CDH8: variants seen among roughly 807,000 people sequenced by gnomAD.
The protein encoded by CDH8 is cadherin 8.
In CDH8, 17 loss-of-function variants were observed where a neutral mutation model predicts 68.1. The ratio of observed to expected loss-of-function variants is 0.25; its 90% CI spans 0.17 to 0.37. The LOEUF (loss-of-function observed/expected upper bound fraction) is 0.37, where lower values mean the gene tolerates loss of function less well. Ranked by LOEUF, CDH8 falls within the 10% of genes least tolerant of loss-of-function variation. CDH8 has a pLI of 1.00. For synonymous variants in CDH8, 372 were observed against 365.1 expected, an observed-to-expected ratio of 1.02 and a Z score of -0.21; for missense variants, 763 against 999.3, an observed-to-expected ratio of 0.76 and a Z score of 3.19.
At chr16:61,734,553 C>A (rs1959622704) in intron 8 of CDH8, among the ~76,000 whole-genome samples, 1 of 152,040 alleles carries the variant, frequency 6.6e-6, no homozygotes, top group African/African-American at 2.4e-5. Context: ...TTTTCTTAGA[C>A]CATCCTTCTT....
At chr16:61,971,417 T>C (rs929575287) in intron 2 of CDH8, among the ~76,000 whole-genome samples, 6 of 152,132 alleles carry the variant, frequency 3.9e-5, no homozygotes, top group Non-Finnish European at 8.8e-5. Context: ...TCCAGGAAAC[T>C]ACATTTTCTG....
chr16:61,998,905 A>G (rs1395815220), intron 2 of CDH8, among the ~76,000 whole-genome samples: 1 of 152,230 alleles, frequency 6.6e-6, no homozygotes, highest in East Asian at 1.9e-4. Context: ...CAGAGGGGAA[A>G]AAAAGGACTC....
intron 8 of CDH8, among the ~76,000 whole-genome samples, chr16:61,769,617 A>G (rs1596951227): frequency 6.6e-6 from 1 of 150,434 alleles, no homozygotes; most frequent in East Asian, 2.0e-4. Flanking sequence ...CAGAGGTACA[A>G]TTACAATAAT....
intron 8 of CDH8, among the ~76,000 whole-genome samples, chr16:61,781,525 G>A (rs529349287): frequency 6.6e-6 from 1 of 152,300 alleles, no homozygotes; most frequent in East Asian, 1.9e-4. Context: ...GGAGTCTAAA[G>A]CAGGAGGATC....
At chr16:61,835,814 T>G (rs1325561392) in intron 4 of CDH8, among the ~76,000 whole-genome samples, 1 of 151,936 alleles carries the variant, frequency 6.6e-6, no homozygotes, top group Non-Finnish European at 1.5e-5. Flanking sequence ...ATTGGATGCT[T>G]TCTCCTAGCA....
At chr16:61,728,027 T>C (rs1959425780) in intron 8 of CDH8, among the ~76,000 whole-genome samples, 1 of 151,030 alleles carries the variant, frequency 6.6e-6, no homozygotes, top group Non-Finnish European at 1.5e-5. Context: ...GGAATATAGT[T>C]TGACTTTGAC....
At chr16:61,995,544 A>G (rs1020254084) in intron 2 of CDH8, among the ~76,000 whole-genome samples, 2 of 151,986 alleles carry the variant, frequency 1.3e-5, no homozygotes, top group Non-Finnish European at 2.9e-5. Context: ...TGCCCGGCTA[A>G]TTTTTTGTAT....
chr16:61,983,945 T>G (rs1965582901), intron 2 of CDH8, among the ~76,000 whole-genome samples: 1 of 151,248 alleles, frequency 6.6e-6, no homozygotes, highest in Non-Finnish European at 1.5e-5. Context: ...CGAGACGGAA[T>G]CTCACTCTGT....
At chr16:61,837,389 G>A (rs1041399733) in intron 4 of CDH8, among the ~76,000 whole-genome samples, 3 of 152,054 alleles carry the variant, frequency 2.0e-5, no homozygotes, top group Non-Finnish European at 2.9e-5. Flanking sequence ...AAGAAAGTGG[G>A]TGGCACATAA....
chr16:61,771,712 C>T (rs1411425658), intron 8 of CDH8, among the ~76,000 whole-genome samples: 1 of 151,824 alleles, frequency 6.6e-6, no homozygotes, highest in East Asian at 1.9e-4. Context: ...TGTACACACA[C>T]CCACACATAC....
Position 61,653,096 on chromosome 16 carries a change from C to G in CDH8, c.*512G>C. ...CCGTACTGTATAATCTAGGAGGCCT[C>G]TCAAAACTCCAAAAAGTTATAATGT... On this transcript the variant is annotated 3_prime_UTR_variant, in exon 12 of 12. Transcript: ENST00000577390. 8.0e-7 allele frequency: 1 copy of G among 1,257,210 alleles called. No homozygotes were observed. The highest frequency in any genetic ancestry group is 3.1e-5 in the East Asian group (1 of 32,300). 77.9% of individuals were successfully genotyped at this position (1,257,210 alleles called of 1,614,324 possible).
chr16:61,801,807 A>C (rs981168619), intron 7 of CDH8, among the ~76,000 whole-genome samples: 4 of 152,356 alleles, frequency 2.6e-5, no homozygotes, highest in East Asian at 3.9e-4. Flanking sequence ...CCTGGCTCGG[A>C]GGGCCCTACG....
At chr16:61,986,742 A>G (rs1265719332) in intron 2 of CDH8, among the ~76,000 whole-genome samples, 3 of 152,206 alleles carry the variant, frequency 2.0e-5, no homozygotes, top group Non-Finnish European at 4.4e-5. Flanking sequence ...TAGCTTAATC[A>G]TGGAGTCTGT....
In CDH8 at chr16:61,779,050, G is replaced by C. The variant is rs369900586; in HGVS notation, c.1414+10296C>G. Among the ~76,000 whole-genome samples the C allele has an allele frequency of 1.4e-4, 22 of 152,254 alleles. No homozygotes were observed. The East Asian group carries it at 4.3e-3, about 29-fold the overall frequency. On this transcript the variant is annotated intron_variant, in intron 8 of 11. Coordinates refer to ENST00000577390, the MANE Select transcript of CDH8 (RefSeq NM_001796.5). ...AGAGCAATGCATTATCACTAACTCA[G>C]AGAGATTAATTTAACGGGCAATTAT...
At chr16:61,660,492 A>G (rs1004571139) in intron 10 of CDH8, among the ~76,000 whole-genome samples, 11 of 152,052 alleles carry the variant, frequency 7.2e-5, no homozygotes, top group African/African-American at 2.7e-4. Context: ...TGCACCAACA[A>G]ATGTGCAGTG....
intron 2 of CDH8, among the ~76,000 whole-genome samples, chr16:61,931,937 A>G (rs1319354980): frequency 2.0e-5 from 3 of 152,106 alleles, no homozygotes; most frequent in Non-Finnish European, 4.4e-5. Context: ...GCTGGGCGCT[A>G]TGGCTCACCC....
intron 8 of CDH8, among the ~76,000 whole-genome samples, chr16:61,778,696 T>TCC (rs1960962337): frequency 6.6e-6 from 1 of 152,152 alleles, no homozygotes; most frequent in Non-Finnish European, 1.5e-5. Context: ...CCCACAAGTT[T>TCC]AAAGAGTAAT....
chr16:61,898,807 T>C (rs1358420080), intron 3 of CDH8, among the ~76,000 whole-genome samples: 2 of 152,064 alleles, frequency 1.3e-5, no homozygotes, highest in African/African-American at 4.8e-5. Flanking sequence ...TTCAACAATA[T>C]CGCTTCCATG....
chr16:61,788,723 C>T (rs935791464), intron 8 of CDH8, among the ~76,000 whole-genome samples: 1 of 151,696 alleles, frequency 6.6e-6, no homozygotes, highest in Non-Finnish European at 1.5e-5. Context: ...TTTTAACAAC[C>T]CTAGACTCTC....
Sources: allele counts gnomAD v4.1 joint callset (sites outside exome capture counted in the v4.1 genomes callset), GRCh38; gene constraint gnomAD v4.1.1; transcripts MANE v1.5; gene names NCBI Gene and HGNC (gene_info 2026-07-23, HGNC 2026-07-21).